The following PNP variants were observed in gnomAD, a reference collection of about 807,000 sequenced individuals.
PNP encodes purine nucleoside phosphorylase.
Under a neutral mutation model 26.8 loss-of-function variants are expected in PNP, and 18 were observed. The observed-to-expected ratio is 0.67, with a 90% CI of 0.46 to 1.00. PNP has a LOEUF of 1.00. PNP is among the 50% of genes least tolerant of loss of function. The pLI is 0.00. For missense variants in PNP, 320 were observed against 362.9 expected (o/e 0.88, Z 0.96); for synonymous variants, 116 against 124.8 (o/e 0.93, Z 0.47).
chr14:20,474,807 G>A lies in PNP; in HGVS notation c.320G>A (p.Gly107Asp), dbSNP rs781649932. Residue 107 changes from glycine to aspartate, a missense_variant, in exon 4 of 6, where the codon GGT (glycine) becomes GAT (aspartate). Gly to Asp is a moderately conservative substitution (Grantham distance 94). Coordinates refer to ENST00000361505, the MANE Select transcript of PNP (RefSeq NM_000270.4). ...TFPVRVFHLL[G>D]VDTLVVTNAA... Reference sequence around the variant, plus strand: ...CCAGTGAGGGTTTTCCACCTTCTGGGTGTGGACACCCTGGTAGTCACCAAT... The same window carrying A: ...CCAGTGAGGGTTTTCCACCTTCTGGATGTGGACACCCTGGTAGTCACCAAT... The A allele has an allele frequency of 6.2e-7, 1 of 1,614,178 alleles. No individual in the cohort carries two copies. Among genetic ancestry groups the A allele is most frequent in the Admixed American group, 1.7e-5 (1 of 60,028 alleles).
intron 1 of PNP, 157 bp downstream of exon 1, chr14:20,469,692 G>A (rs1881944944): frequency 1.9e-5 from 19 of 1,022,382 alleles, no homozygotes; most frequent in Non-Finnish European, 2.8e-5. Context: ...GAGCAAGGCG[G>A]CAGAGTCATG....
chr14:20,474,952 T>G lies in PNP; in HGVS notation c.461+4T>G, dbSNP rs768617838. On this transcript the variant is annotated splice_donor_region_variant and intron_variant, in intron 4 of 5. Transcript: ENST00000361505. ...TCAGAGGGCCCAATGATGAAAGGTA[T>G]GTATGTTACTCCGTTTTTTTTAGGT... 5.6e-6 allele frequency: 9 copies of G among 1,614,144 alleles called. No individual in the cohort carries two copies. Among genetic ancestry groups the G allele is most frequent in the Non-Finnish European group, 7.6e-6 (9 of 1,180,008 alleles).
intron 1 of PNP, chr14:20,469,854 G>A (rs753858222): frequency 6.9e-6 from 4 of 577,748 alleles, no homozygotes; most frequent in Non-Finnish European, 1.2e-5. Flanking sequence ...AGTGGAGAGT[G>A]AGTATATGTA....
At position 20,469,550 on chromosome 14, in the gene PNP, AGGCCCGCAG is replaced by A. The variant is rs763310083; in HGVS notation, c.11+17_11+25del. On this transcript the variant is annotated intron_variant, in intron 1 of 5. Transcript: ENST00000361505. ...ATGGAGAACGGGTGAGGAGGGCACC[AGGCCCGCAG>A]GACCCTTGGGGAGGGGCAGGTGCTG... 14 of 1,554,804 alleles carry A rather than the reference AGGCCCGCAG, an allele frequency of 9.0e-6. No homozygotes were observed. The highest frequency in any genetic ancestry group is 1.1e-5 in the Non-Finnish European group (13 of 1,149,270).
At chr14:20,474,980 G>A (rs372210347) in intron 4 of PNP, 32 bp downstream of exon 4, 10 of 1,613,788 alleles carry the variant, frequency 6.2e-6, no homozygotes, top group Non-Finnish European at 8.5e-6. Flanking sequence ...TTTTAGGTGG[G>A]TAGGATTTAA....
chr14:20,474,347 T>C (rs1270970237), intron 2 of PNP, 125 bp from the exon 3 acceptor site: 3 of 798,628 alleles, frequency 3.8e-6, no homozygotes, highest in East Asian at 2.7e-5. Flanking sequence ...GAGATAATAA[T>C]GAGTCTTTTA....
In PNP at chr14:20,474,496, T is replaced by C. The variant is rs748393386; in HGVS notation, c.206T>C (p.Val69Ala). Residue 69 changes from valine to alanine, a missense_variant, in exon 3 of 6, where the codon GTG becomes GCG. Transcript: ENST00000361505. ...STVPGHAGRL[V>A]FGFLNGRACV... is the part of the protein sequence containing the mutation. ...GTGCCAGGTCATGCTGGCCGACTGG[T>C]GTTTGGGTTCCTGAATGGCAGGGCC... is the stretch of plus-strand genomic sequence containing the variant. 1.9e-6 allele frequency: 3 copies of C among 1,614,204 alleles called. No homozygotes were observed. The highest frequency in any genetic ancestry group is 1.7e-5 in the Admixed American group (1 of 60,026).
intron 2 of PNP, chr14:20,474,090 T>C (rs566538999): frequency 1.1e-4 from 31 of 293,096 alleles, no homozygotes; most frequent in South Asian, 5.4e-4. Context: ...ACACATTTGG[T>C]TCCCACTTAT....
intron 1 of PNP, 169 bp downstream of exon 1, chr14:20,469,704 G>C (rs1357695202): frequency 1.1e-6 from 1 of 929,144 alleles, no homozygotes; most frequent in Non-Finnish European, 1.7e-6. Flanking sequence ...AGAGTCATGC[G>C]GCAGCCAGCG....
chr14:20,472,753 T>C, intron 2 of PNP: 1 of 446,690 alleles, frequency 2.2e-6, no homozygotes. Context: ...GCAAGGGTTG[T>C]TTATTTGGTT....
At position 20,474,932 on chromosome 14, in the gene PNP, G is replaced by C. The variant is rs1882066558; in HGVS notation, c.445G>C (p.Gly149Arg). ...PGFSGQNPLR[G>R]PNDERFGDRF... ...TTTCAGTGGTCAGAACCCTCTCAGA[G>C]GGCCCAATGATGAAAGGTATGTATG... Residue 149 changes from glycine to arginine, a missense_variant, in exon 4 of 6, where the codon GGG becomes CGG. Transcript: ENST00000361505. 1 of 1,614,020 alleles carries C rather than the reference G, an allele frequency of 6.2e-7. No homozygotes were observed.
intron 1 of PNP, 25 bp downstream of exon 1, chr14:20,469,560 GA>G: frequency 6.4e-7 from 1 of 1,554,800 alleles, no homozygotes. Context: ...AGGCCCGCAG[GA>G]CCCTTGGGGA....
intron 2 of PNP, 108 bp from the exon 3 acceptor site, chr14:20,474,364 T>C: frequency 1.1e-6 from 1 of 935,358 alleles, no homozygotes; most frequent in Middle Eastern, 2.2e-4. Context: ...TTTACTTAAT[T>C]ACAACCTAAC....
In PNP at chr14:20,474,755, GGATTGTTTGCTTC is replaced by G. The variant is rs757913770; in HGVS notation, c.286-15_286-3del. 1 of 1,612,734 alleles carries G rather than the reference GGATTGTTTGCTTC, an allele frequency of 6.2e-7. No individual in the cohort carries two copies. Among genetic ancestry groups the G allele is most frequent in the Non-Finnish European group, 8.5e-7 (1 of 1,179,318 alleles). ...TAATGAAATTTTGTAAATTTTTTTCGGATTGTTTGCTTCGAAGGTGACATTCCCAGTGAGGGTT... is the reference window on the plus strand; with the variant it reads ...TAATGAAATTTTGTAAATTTTTTTCGGAAGGTGACATTCCCAGTGAGGGTT... On this transcript the variant is annotated splice_region_variant and splice_polypyrimidine_tract_variant and intron_variant, in intron 3 of 5. Coordinates refer to ENST00000361505, the MANE Select transcript of PNP (RefSeq NM_000270.4).
chr14:20,472,626 C>G, intron 2 of PNP, 149 bp downstream of exon 2: 1 of 781,194 alleles, frequency 1.3e-6, no homozygotes, highest in Non-Finnish European at 2.2e-6. Context: ...CACCATGAGT[C>G]AGAGTGACTT....
intron 1 of PNP, among the ~76,000 whole-genome samples, chr14:20,471,197 A>ATTTTTTTTTTTTTTTTTT (rs397960222): frequency 1.5e-4 from 14 of 90,648 alleles, no homozygotes; most frequent in African/African-American, 3.8e-4. Flanking sequence ...CGCCCGGCTA[A>ATTTTTTTTTTTTTTTTTT]TTTTTTTTTT....
At chr14:20,474,204 TA>T in intron 2 of PNP, 1 of 415,226 alleles carries the variant, frequency 2.4e-6, no homozygotes, top group Non-Finnish European at 4.5e-6. Context: ...GAAATTTCTT[TA>T]AAAAGCCCTT....
At chr14:20,474,328 C>G in intron 2 of PNP, 144 bp from the exon 3 acceptor site, 1 of 726,760 alleles carries the variant, frequency 1.4e-6, no homozygotes. Context: ...CTTAAACTTT[C>G]TGAAAGCAGA....
At chr14:20,471,091 A>C (rs1279970556) in intron 1 of PNP, among the ~76,000 whole-genome samples, 2 of 150,210 alleles carry the variant, frequency 1.3e-5, no homozygotes, top group Non-Finnish European at 3.0e-5. Flanking sequence ...AGTTCAGTGG[A>C]GCGATCTTGG....
Sources: allele counts gnomAD v4.1 joint callset (sites outside exome capture counted in the v4.1 genomes callset), GRCh38; gene constraint gnomAD v4.1.1; transcripts MANE v1.5; gene names NCBI Gene and HGNC (gene_info 2026-07-23, HGNC 2026-07-21).